The following NADK variants were observed in gnomAD, a reference collection of about 807,000 sequenced individuals.
NADK encodes poly(P)/ATP NAD kinase.
Under a neutral mutation model 49.8 loss-of-function variants are expected in NADK, and 22 were observed. That is an observed-to-expected ratio of 0.44 (90% confidence interval 0.32 to 0.63). The LOEUF (loss-of-function observed/expected upper bound fraction) is 0.63. NADK is among the 30% of genes least tolerant of loss of function. The probability of loss-of-function intolerance (pLI) is 0.06; values close to 1 mark genes in which losing one functional copy is unlikely to be tolerated. For synonymous variants in NADK, 268 were observed against 253.7 expected, an observed-to-expected ratio of 1.06 and a Z score of -0.54; for missense variants, 438 against 609.4, an observed-to-expected ratio of 0.72 and a Z score of 2.96.
At position 1,757,037 on chromosome 1, in the gene NADK, T is replaced by A. The variant is rs1645548645; in HGVS notation, c.393+144A>T. 18 of 1,271,788 alleles carry A rather than the reference T, an allele frequency of 1.4e-5. 1 individual carries two copies. The highest frequency in any genetic ancestry group is 1.9e-5 in the Non-Finnish European group (17 of 898,524). The allele number at this position is 1,271,788 out of a possible 1,614,324, so 78.8% of individuals were successfully genotyped here. The stretch of plus-strand genomic sequence containing the variant: ...CACACAAACCCAGACACCCGGCAGA[T>A]CCCCACTCAGTCCCCAGTTCCAGAC... On this transcript the variant is annotated intron_variant, in intron 4 of 11. Transcript: ENST00000341426.
chr1:1,771,928 C>A (rs1646063109), intron 1 of NADK, among the ~76,000 whole-genome samples: 1 of 151,816 alleles, frequency 6.6e-6, no homozygotes, highest in Non-Finnish European at 1.5e-5. Flanking sequence ...CCACTTCAGC[C>A]TCCCAAGTAG....
At chr1:1,756,159 TAAAGGGGTGA>T in intron 6 of NADK, 89 bp downstream of exon 6, 1 of 1,166,660 alleles carries the variant, frequency 8.6e-7, no homozygotes, top group Non-Finnish European at 1.3e-6. Context: ...TGCTCTCGTA[TAAAGGGGTGA>T]AAAGCAATGG....
rs971515189 is a variant in NADK, at chr1:1,771,059, T to A, written c.-40-5613A>T. Among the ~76,000 whole-genome samples, 123 of 144,456 alleles carry A rather than the reference T, an allele frequency of 8.5e-4. 2 individuals are homozygous for A. The highest frequency in any genetic ancestry group is 3.6e-3 in the East Asian group (18 of 5,040). 94.8% of individuals were successfully genotyped at this position (144,456 alleles called of 152,430 possible). On this transcript the variant is annotated intron_variant, in intron 1 of 11. Transcript: ENST00000341426. Reference sequence around the variant, plus strand: ...TCATCTTATAAAAAAAAAAAAAATATATATATATATATATATACACACACA... The same window carrying A: ...TCATCTTATAAAAAAAAAAAAAATAAATATATATATATATATACACACACA...
chr1:1,756,728 C>T lies in NADK; in HGVS notation c.394-120G>A, dbSNP rs1422997364. 3.2e-6 allele frequency: 5 copies of T among 1,547,000 alleles called. No individual in the cohort carries two copies. In the Admixed American group the frequency reaches 5.3e-5, roughly 17 times the overall value. ...GCATCGTGGCCTGCATGCCCGCCCC[C>T]CCACGCTCACGCTGAAACTTCATCA... is the stretch of plus-strand genomic sequence containing the variant. On this transcript the variant is annotated intron_variant, in intron 4 of 11. Transcript: ENST00000341426.
chr1:1,768,184 A>AG (rs999863154), intron 1 of NADK, among the ~76,000 whole-genome samples: 1 of 151,504 alleles, frequency 6.6e-6, no homozygotes, highest in Non-Finnish European at 1.5e-5. Context: ...AAAAAAAAAA[A>AG]AAAGAAAAAA....
At chr1:1,769,784 A>G (rs577120170) in intron 1 of NADK, among the ~76,000 whole-genome samples, 1 of 152,138 alleles carries the variant, frequency 6.6e-6, no homozygotes, top group East Asian at 1.9e-4. Context: ...ATTCAAATAC[A>G]TGAAAAATTC....
chr1:1,764,887 C>T (rs34166899), intron 2 of NADK, among the ~76,000 whole-genome samples: 1 of 151,984 alleles, frequency 6.6e-6, no homozygotes, highest in South Asian at 2.1e-4. Flanking sequence ...GGGGACAGAG[C>T]GAGACTCAGT....
chr1:1,768,266 G>A (rs746054384), intron 1 of NADK, among the ~76,000 whole-genome samples: 14 of 152,022 alleles, frequency 9.2e-5, no homozygotes, highest in Admixed American at 5.2e-4. Context: ...GGCTAGGCAC[G>A]GTGGCTCACT....
intron 10 of NADK, 88 bp downstream of exon 10, chr1:1,753,963 A>T (rs767821935): frequency 2.7e-4 from 398 of 1,469,236 alleles, no homozygotes; most frequent in Non-Finnish European, 3.5e-4. Context: ...TGGAGCCAGC[A>T]TGGCAGAGCG....
At chr1:1,756,415 C>T in intron 5 of NADK, 72 bp from the exon 6 acceptor site, 1 of 1,609,138 alleles carries the variant, frequency 6.2e-7, no homozygotes, top group Non-Finnish European at 8.5e-7. Flanking sequence ...TGCGCAGACA[C>T]CAATGACAAG....
chr1:1,770,865 A>G (rs1646026497), intron 1 of NADK, among the ~76,000 whole-genome samples: 1 of 151,854 alleles, frequency 6.6e-6, no homozygotes, highest in African/African-American at 2.4e-5. Flanking sequence ...CCTGACCAAC[A>G]TGGTGAAACC....
At chr1:1,758,263 C>G in intron 3 of NADK, 1 of 1,352,100 alleles carries the variant, frequency 7.4e-7, no homozygotes, top group South Asian at 1.5e-5. Flanking sequence ...TGTGACCGTC[C>G]CACTAACACC....
chr1:1,776,397 C>T (rs1341462983), intron 1 of NADK, among the ~76,000 whole-genome samples: 2 of 152,128 alleles, frequency 1.3e-5, no homozygotes, highest in South Asian at 2.1e-4. Context: ...GAAGAAAATG[C>T]TGTTTTGGAA....
Position 1,758,061 on chromosome 1 carries a change from G to A in NADK, c.264-751C>T, listed in dbSNP as rs1026926039. On this transcript the variant is annotated intron_variant, in intron 3 of 11. Coordinates refer to ENST00000341426, the MANE Select transcript of NADK (RefSeq NM_023018.5). ...GCCCAGAACCGGGAACACACACCAC[G>A]GAGCCTGCTCCTGTTCCCAGAAGCC... Among the ~76,000 whole-genome samples, 6 of 152,184 alleles carry A rather than the reference G, an allele frequency of 3.9e-5. No homozygotes were observed. In the East Asian group the frequency reaches 5.8e-4, roughly 15 times the overall value.
intron 1 of NADK, among the ~76,000 whole-genome samples, chr1:1,766,197 G>A: frequency 6.6e-6 from 1 of 151,766 alleles, no homozygotes. Flanking sequence ...CCTGAGGTCG[G>A]GAGTTTGAGA....
At chr1:1,756,119 T>C (rs1243670895) in intron 6 of NADK, 139 bp downstream of exon 6, 2 of 791,968 alleles carry the variant, frequency 2.5e-6, no homozygotes. Context: ...GCTGCCACCA[T>C]GGGCCTCAGT....
Position 1,754,316 on chromosome 1 carries a change from T to C in NADK, c.911A>G (p.Asp304Gly). 6.2e-7 allele frequency: 1 copy of C among 1,613,798 alleles called. No homozygotes were observed. The highest frequency in any genetic ancestry group is 8.5e-7 in the Non-Finnish European group (1 of 1,179,936). The change falls in exon 9 of 12, where the codon GAC becomes GGC. Residue 304 changes from aspartate to glycine, a missense_variant. Transcript: ENST00000341426. This position sits in a 1 kb window ranked among gnomAD's most constrained non-coding sequence, Gnocchi z 4.3. ...SYLSNVDVYL[D>G]GHLITTVQGD... ...CTGCACCGTGGTGATGAGGTGTCCG[T>C]CCAGGTAGACATCCACATTGGACAG...
intron 3 of NADK, among the ~76,000 whole-genome samples, chr1:1,761,270 T>C (rs1048433972): frequency 2.1e-4 from 32 of 152,228 alleles, no homozygotes; most frequent in South Asian, 1.5e-3. Context: ...GGATTACAGG[T>C]GTGAGCCACC....
Position 1,765,361 on chromosome 1 carries a change from G to T in NADK, c.46C>A (p.Pro16Thr). ...GAGCAGCAGTAAGCAGCCGCGTCTG[G>T]ACTCAATTCCTTATTCATGGTCATT... is the stretch of plus-strand genomic sequence containing the variant. Reference protein sequence around the residue: ...EKMTMNKELSPDAAAYCCSAC... With the variant: ...EKMTMNKELSTDAAAYCCSAC... The change falls in exon 2 of 12, where the codon CCA (proline) becomes ACA (threonine). Residue 16 changes from proline to threonine, a missense_variant. Transcript: ENST00000341426. 6 of 1,611,308 alleles carry T rather than the reference G, an allele frequency of 3.7e-6. No individual in the cohort carries two copies. Among genetic ancestry groups the T allele is most frequent in the Non-Finnish European group, 5.1e-6 (6 of 1,178,422 alleles).
Sources: gnomAD v4.1 joint callset for allele counts (sites outside exome capture counted in the v4.1 genomes callset) on GRCh38, gnomAD v4.1.1 for gene constraint, Gnocchi (gnomAD v3.1) non-coding constraint, MANE v1.5 for transcripts, NCBI Gene and HGNC (gene_info 2026-07-23, HGNC 2026-07-21) for gene names.